NWD2: variants seen among roughly 807,000 people sequenced by gnomAD.
NWD2 encodes NACHT and WD repeat domain-containing protein 2.
NWD2 carries 37 observed loss-of-function variants against 132.7 expected under a neutral mutation model. The observed-to-expected ratio is 0.28, with a 90% CI of 0.21 to 0.37. NWD2 has a LOEUF of 0.37. Ranked by LOEUF, NWD2 falls within the 10% of genes least tolerant of loss-of-function variation. NWD2 has a pLI of 1.00. For synonymous variants in NWD2, 705 were observed against 803.0 expected, an observed-to-expected ratio of 0.88 and a Z score of 2.06; for missense variants, 1,592 against 2,122.4, an observed-to-expected ratio of 0.75 and a Z score of 4.91.
intron 1 of NWD2, among the ~76,000 whole-genome samples, chr4:37,260,489 G>T (rs151328874): frequency 7.9e-5 from 12 of 152,236 alleles, no homozygotes; most frequent in Non-Finnish European, 1.2e-4. Context: ...CTACTCGATT[G>T]CCTGAAAAAT....
intron 4 of NWD2, among the ~76,000 whole-genome samples, chr4:37,431,246 C>CT (rs1235509719): frequency 3.3e-5 from 5 of 152,094 alleles, no homozygotes; most frequent in African/African-American, 9.7e-5. Flanking sequence ...TGGAAACAGT[C>CT]TAAGTGTCTG....
At chr4:37,378,302 C>T (rs1720386725) in intron 3 of NWD2, among the ~76,000 whole-genome samples, 1 of 151,970 alleles carries the variant, frequency 6.6e-6, no homozygotes, top group Non-Finnish European at 1.5e-5. Context: ...TGACAGTCAT[C>T]TTTATGGACG....
chr4:37,443,425 G>C lies in NWD2; in HGVS notation c.1437G>C (p.Arg479=). ...SVCEQLAVNY[R]CLVQSYPKKI... ...GTGAACAATTGGCAGTTAACTACCGGTGTCTGGTTCAAAGCTACCCTAAGA... is the reference window on the plus strand; with the variant it reads ...GTGAACAATTGGCAGTTAACTACCGCTGTCTGGTTCAAAGCTACCCTAAGA... Residue 479 remains arginine (R), a synonymous_variant, in exon 7 of 7, where the codon CGG becomes CGC. Transcript: ENST00000309447. This position sits in a 1 kb window ranked among gnomAD's most constrained non-coding sequence, Gnocchi z 4.1. 1 of 1,552,218 alleles carries C rather than the reference G, an allele frequency of 6.4e-7. No homozygotes were observed. Among genetic ancestry groups the C allele is most frequent in the South Asian group, 1.2e-5 (1 of 84,052 alleles).
At chr4:37,298,894 A>G (rs542338731) in intron 1 of NWD2, among the ~76,000 whole-genome samples, 1 of 152,272 alleles carries the variant, frequency 6.6e-6, no homozygotes, top group Admixed American at 6.5e-5. Context: ...ACTTTATATT[A>G]ATTTAATCTA....
chr4:37,414,444 GT>G (rs1287143883), intron 3 of NWD2, among the ~76,000 whole-genome samples: 3 of 151,032 alleles, frequency 2.0e-5, no homozygotes, highest in Non-Finnish European at 4.4e-5. Context: ...TCAGCTTTAA[GT>G]GGCCTCAGCC....
chr4:37,443,924 T>C lies in NWD2; in HGVS notation c.1936T>C (p.Phe646Leu). Residue 646 changes from phenylalanine to leucine, a missense_variant, in exon 7 of 7, where the codon TTC becomes CTC. Physicochemically the swap from Phe to Leu is conservative, Grantham distance 22. Around this residue, in one of 7 missense-constraint regions of NWD2, gnomAD observed 1,071 missense variants for 1,398.0 expected, o/e 0.77. Coordinates refer to ENST00000309447, the MANE Select transcript of NWD2 (RefSeq NM_001144990.2). The surrounding 1 kb of genome is among the most constrained non-coding windows in gnomAD (Gnocchi z 4.1). Reference sequence around the variant, plus strand: ...CGTTCATGAAAGTATAGAGCAGTTATTCTGGTCCTTGGAGAAGAAGTGTGG... The same window carrying C: ...CGTTCATGAAAGTATAGAGCAGTTACTCTGGTCCTTGGAGAAGAAGTGTGG... ...VTVHESIEQL[F>L]WSLEKKCGQK... 6.4e-7 allele frequency: 1 copy of C among 1,552,386 alleles called. No individual in the cohort carries two copies. The highest frequency in any genetic ancestry group is 1.7e-4 in the Middle Eastern group (1 of 5,998).
intron 1 of NWD2, among the ~76,000 whole-genome samples, chr4:37,270,580 C>T (rs1431005055): frequency 6.6e-6 from 1 of 151,582 alleles, no homozygotes; most frequent in Non-Finnish European, 1.5e-5. Flanking sequence ...CAGATATTCA[C>T]GTTAGGAACA....
In NWD2 at chr4:37,413,805, G is replaced by A. The variant is rs1310091584; in HGVS notation, c.358-16767G>A. On this transcript the variant is annotated intron_variant, in intron 3 of 6. Coordinates refer to ENST00000309447, the MANE Select transcript of NWD2 (RefSeq NM_001144990.2). ...ACTATGCAGCCATAAAAAAGGATGA[G>A]TCCATGTCCTTTGCAGAGACATGGA... is the stretch of plus-strand genomic sequence containing the variant. 2.0e-5 allele frequency among the ~76,000 whole-genome samples: 3 copies of A among 152,316 alleles called. No individual in the cohort carries two copies. The East Asian group carries it at 5.8e-4, about 29-fold the overall frequency.
At chr4:37,281,874 T>G (rs1718136689) in intron 1 of NWD2, among the ~76,000 whole-genome samples, 1 of 152,204 alleles carries the variant, frequency 6.6e-6, no homozygotes, top group Non-Finnish European at 1.5e-5. Context: ...TAATTTAATC[T>G]GTATTCAATA....
At chr4:37,283,722 T>C (rs1031414011) in intron 1 of NWD2, among the ~76,000 whole-genome samples, 5 of 152,192 alleles carry the variant, frequency 3.3e-5, no homozygotes, top group African/African-American at 1.2e-4. Flanking sequence ...TTGACCAAGA[T>C]TTTTCTTGAT....
At chr4:37,266,788 G>A (rs184892214) in intron 1 of NWD2, among the ~76,000 whole-genome samples, 1 of 152,010 alleles carries the variant, frequency 6.6e-6, no homozygotes, top group African/African-American at 2.4e-5. Flanking sequence ...TAAAGCAAGT[G>A]ATTATGTCTT....
In NWD2 at chr4:37,244,916, A is replaced by C; in HGVS notation, c.-152A>C. On this transcript the variant is annotated 5_prime_UTR_variant, in exon 1 of 7. Transcript: ENST00000309447. This position sits in a 1 kb window ranked among gnomAD's most constrained non-coding sequence, Gnocchi z 5.5. ...CGCCGGCGGGTGCTGTGCGCCACGG[A>C]GCTCGCCAAAGGCGCTTCGGGCTCG... The C allele has an allele frequency of 1.0e-6, 1 of 954,726 alleles. No homozygotes were observed. The highest frequency in any genetic ancestry group is 1.5e-6 in the Non-Finnish European group (1 of 668,870). 59.1% of individuals were successfully genotyped at this position (954,726 alleles called of 1,614,324 possible). A position where few individuals can be genotyped will look rare whatever the true frequency, so the allele number is the denominator to read the frequency against.
chr4:37,446,242 A>G lies in NWD2; in HGVS notation c.4254A>G (p.Glu1418=). The part of the protein sequence containing the change: ...NDQFVVSLCE[E]NASRVWRLAT... Reference sequence around the variant, plus strand: ...AGTTTGTGGTCTCGCTCTGTGAGGAAAATGCCTCCAGGGTTTGGAGGCTCG... The same window carrying G: ...AGTTTGTGGTCTCGCTCTGTGAGGAGAATGCCTCCAGGGTTTGGAGGCTCG... Residue 1418 remains glutamate (E), a synonymous_variant, in exon 7 of 7, where the codon GAA becomes GAG. Transcript: ENST00000309447. The surrounding 1 kb of genome is among the most constrained non-coding windows in gnomAD (Gnocchi z 6.7). 6.4e-7 allele frequency: 1 copy of G among 1,551,704 alleles called. No individual in the cohort carries two copies. Among genetic ancestry groups the G allele is most frequent in the Non-Finnish European group, 8.7e-7 (1 of 1,146,994 alleles).
chr4:37,382,742 G>A (rs545558962), intron 3 of NWD2, among the ~76,000 whole-genome samples: 1 of 152,116 alleles, frequency 6.6e-6, no homozygotes, highest in South Asian at 2.1e-4. Context: ...CCAGGCTGGA[G>A]TGCAATGGCG....
chr4:37,375,327 C>T (rs930597443), intron 3 of NWD2, among the ~76,000 whole-genome samples: 1 of 152,146 alleles, frequency 6.6e-6, no homozygotes, highest in Admixed American at 6.5e-5. Context: ...TCTCATCATT[C>T]AAAAATTATC....
At chr4:37,289,246 G>C (rs1206239689) in intron 1 of NWD2, among the ~76,000 whole-genome samples, 1 of 152,080 alleles carries the variant, frequency 6.6e-6, no homozygotes, top group African/African-American at 2.4e-5. Context: ...TGATAATCTA[G>C]TTTGGGATGA....
At chr4:37,394,803 T>TG (rs1560411758) in intron 3 of NWD2, among the ~76,000 whole-genome samples, 4 of 93,132 alleles carry the variant, frequency 4.3e-5, no homozygotes, top group Non-Finnish European at 8.9e-5. Context: ...TTTATGGTTT[T>TG]TTTTTTTTTT....
chr4:37,379,320 T>C (rs1241178918), intron 3 of NWD2, among the ~76,000 whole-genome samples: 1 of 152,122 alleles, frequency 6.6e-6, no homozygotes, highest in Non-Finnish European at 1.5e-5. Context: ...TTAAGCCATT[T>C]AGTCCGTCCA....
chr4:37,340,137 T>C lies in NWD2; in HGVS notation c.240+14113T>C, dbSNP rs79842795. On this transcript the variant is annotated intron_variant, in intron 2 of 6. Coordinates refer to ENST00000309447, the MANE Select transcript of NWD2 (RefSeq NM_001144990.2). ...AAATTAACATACCTCAGTTTTCTTA[T>C]CTATAAGTATTCCTTCTACCAGATC... 3.5e-3 allele frequency among the ~76,000 whole-genome samples: 527 copies of C among 152,282 alleles called. 5 individuals carry two copies. Among genetic ancestry groups the C allele is most frequent in the African/African-American group, 0.012 (505 of 41,552 alleles).
Sources: allele counts gnomAD v4.1 joint callset (sites outside exome capture counted in the v4.1 genomes callset), GRCh38; gene constraint gnomAD v4.1.1; regional missense constraint gnomAD v4.1.1; non-coding constraint Gnocchi (gnomAD v3.1); transcripts MANE v1.5; gene names NCBI Gene and HGNC (gene_info 2026-07-23, HGNC 2026-07-21).